Variants in SEC23B observed in about 807,000 individuals in gnomAD.
SEC23B encodes the protein protein transport protein Sec23B.
In SEC23B, 77 loss-of-function variants were observed where a neutral mutation model predicts 104.3. The observed-to-expected ratio is 0.74, with a 90% confidence interval of 0.61 to 0.89. The LOEUF is 0.89. Among genes scored for constraint, SEC23B ranks in the 40% least tolerant of loss-of-function variants. SEC23B has a pLI of 0.00. For synonymous variants in SEC23B, 338 were observed against 332.5 expected, an observed-to-expected ratio of 1.02 and a Z score of -0.18; for missense variants, 885 against 949.4, an observed-to-expected ratio of 0.93 and a Z score of 0.89.
chr20:18,559,607 T>C (rs1267525801), intron 19 of SEC23B, among the ~76,000 whole-genome samples: 5 of 152,174 alleles, frequency 3.3e-5, no homozygotes, highest in African/African-American at 4.8e-5. Flanking sequence ...CAGTGGTTAT[T>C]ATCTAAGATT....
intron 12 of SEC23B, among the ~76,000 whole-genome samples, chr20:18,541,915 C>T (rs2060290763): frequency 6.6e-6 from 1 of 152,126 alleles, no homozygotes; most frequent in Non-Finnish European, 1.5e-5. Flanking sequence ...ATAAATGAGG[C>T]ATGTCTGTGT....
chr20:18,559,389 C>T (rs971000608), intron 19 of SEC23B, among the ~76,000 whole-genome samples: 4 of 152,142 alleles, frequency 2.6e-5, no homozygotes, highest in African/African-American at 7.2e-5. Context: ...CCTCTACTGA[C>T]ACCACAGGGG....
rs763424947 is a variant in SEC23B, at chr20:18,524,627, T to C, written c.561T>C (p.Tyr187=). 2.5e-6 allele frequency: 4 copies of C among 1,614,118 alleles called. No homozygotes were observed. Among genetic ancestry groups the C allele is most frequent in the African/African-American group, 1.3e-5 (1 of 74,940 alleles). The change falls in exon 5 of 20, where the codon TAT becomes TAC. Residue 187 remains tyrosine (Y), a synonymous_variant. Coordinates refer to ENST00000650089, the MANE Select transcript of SEC23B (RefSeq NM_006363.6). ...GCTGTGAAGGAATCTCCAAAAGTTATGTCTTCCGAGGGACCAAGGATTTAA... is the reference window on the plus strand; with the variant it reads ...GCTGTGAAGGAATCTCCAAAAGTTACGTCTTCCGAGGGACCAAGGATTTAA... ...ELSCEGISKS[Y]VFRGTKDLTA...
chr20:18,558,440 T>A (rs1182370743), intron 19 of SEC23B, among the ~76,000 whole-genome samples: 2 of 152,232 alleles, frequency 1.3e-5, no homozygotes, highest in Non-Finnish European at 2.9e-5. Flanking sequence ...TTTTTGCTTC[T>A]GTAGGTTTCT....
At chr20:18,549,713 ACCACTT>A in intron 16 of SEC23B, among the ~76,000 whole-genome samples, 2 of 152,308 alleles carry the variant, frequency 1.3e-5, no homozygotes, top group Middle Eastern at 3.4e-3. Context: ...TTTATCGAGT[ACCACTT>A]ACTTTTATTA....
Position 18,561,389 on chromosome 20 carries a change from A to C in SEC23B, c.*649A>C, listed in dbSNP as rs1004072203. Reference sequence around the variant, plus strand: ...ATGTCTCAATTCTCATTTTCAAAGAATCAATATATTAATATACCTTTGGTC... The same window carrying C: ...ATGTCTCAATTCTCATTTTCAAAGACTCAATATATTAATATACCTTTGGTC... On this transcript the variant is annotated 3_prime_UTR_variant, in exon 20 of 20. Transcript: ENST00000650089. 7 of 152,526 alleles carry C rather than the reference A, an allele frequency of 4.6e-5. No individual in the cohort carries two copies. The highest frequency in any genetic ancestry group is 1.7e-4 in the African/African-American group (7 of 41,450). 9.4% of individuals were successfully genotyped at this position (152,526 alleles called of 1,614,324 possible). A position where few individuals can be genotyped will look rare whatever the true frequency, so the allele number is the denominator to read the frequency against.
At chr20:18,544,052 C>T (rs557912955) in intron 14 of SEC23B, among the ~76,000 whole-genome samples, 26 of 152,262 alleles carry the variant, frequency 1.7e-4, no homozygotes, top group African/African-American at 6.0e-4. Context: ...CTACTGACAA[C>T]GCTTGATATC....
At chr20:18,539,694 G>T (rs1336680029) in intron 12 of SEC23B, among the ~76,000 whole-genome samples, 3 of 145,114 alleles carry the variant, frequency 2.1e-5, no homozygotes, top group Non-Finnish European at 3.0e-5. Flanking sequence ...GCTCAGGCTG[G>T]AGTGCAGTGG....
intron 19 of SEC23B, among the ~76,000 whole-genome samples, chr20:18,557,893 A>G (rs980340455): frequency 6.6e-6 from 1 of 151,778 alleles, no homozygotes; most frequent in Non-Finnish European, 1.5e-5. Flanking sequence ...CTGGGATTAC[A>G]GGCATGCACC....
chr20:18,516,597 G>A (rs1447272181), intron 4 of SEC23B, among the ~76,000 whole-genome samples: 3 of 149,424 alleles, frequency 2.0e-5, no homozygotes, highest in African/African-American at 7.4e-5. Flanking sequence ...TGTTGCCCAG[G>A]CTGGAGTGCA....
At chr20:18,546,757 T>G (rs117658691) in intron 15 of SEC23B, among the ~76,000 whole-genome samples, 1 of 152,192 alleles carries the variant, frequency 6.6e-6, no homozygotes, top group Non-Finnish European at 1.5e-5. Flanking sequence ...TGTGGTGTTG[T>G]GAGAAGAGCC....
At position 18,561,131 on chromosome 20, in the gene SEC23B, TGTGA is replaced by T. The variant is rs2060488514; in HGVS notation, c.*395_*398del. ...CAAATGTGATTTCCTGAGGTCTCTG[TGTGA>T]GTGTGTATGTGTTTTAAGTGACTTC... On this transcript the variant is annotated 3_prime_UTR_variant, in exon 20 of 20. Coordinates refer to ENST00000650089, the MANE Select transcript of SEC23B (RefSeq NM_006363.6). 4 of 302,098 alleles carry T rather than the reference TGTGA, an allele frequency of 1.3e-5. No individual in the cohort carries two copies. In the Admixed American group the frequency reaches 1.9e-4, roughly 15 times the overall value. The allele number at this position is 302,098 out of a possible 1,614,324, so 18.7% of individuals were successfully genotyped here.
intron 17 of SEC23B, among the ~76,000 whole-genome samples, chr20:18,553,113 C>A (rs1438363997): frequency 6.6e-6 from 1 of 152,218 alleles, no homozygotes; most frequent in African/African-American, 2.4e-5. Flanking sequence ...CCTGTTCATT[C>A]ACTTGTTTAT....
At chr20:18,512,037 G>T (rs1280724380) in intron 2 of SEC23B, among the ~76,000 whole-genome samples, 188 bp from the exon 3 acceptor site, 5 of 152,156 alleles carry the variant, frequency 3.3e-5, no homozygotes, top group African/African-American at 9.7e-5. Flanking sequence ...AAATTGTGGT[G>T]TACTTAGCCA....
intron 8 of SEC23B, 87 bp downstream of exon 8, chr20:18,526,618 CAT>C: frequency 7.2e-7 from 1 of 1,381,078 alleles, no homozygotes; most frequent in East Asian, 2.3e-5. Flanking sequence ...TTGCCAAGGT[CAT>C]GTGTCATGGT....
At chr20:18,544,056 T>C (rs142303844) in intron 14 of SEC23B, among the ~76,000 whole-genome samples, 135 of 152,268 alleles carry the variant, frequency 8.9e-4, no homozygotes, top group Non-Finnish European at 1.6e-3. Flanking sequence ...TGACAACGCT[T>C]GATATCGTGC....
chr20:18,560,753 AC>A lies in SEC23B; in HGVS notation c.*15del. ...CAGTGCCTGTTAAGCTGAGGATACA[AC>A]CAGGAAATGCAACGGTGTCAGATTG... On this transcript the variant is annotated 3_prime_UTR_variant, in exon 20 of 20. Transcript: ENST00000650089. The A allele has an allele frequency of 6.3e-7, 1 of 1,595,938 alleles. No individual in the cohort carries two copies. The highest frequency in any genetic ancestry group is 8.6e-7 in the Non-Finnish European group (1 of 1,163,586).
intron 4 of SEC23B, among the ~76,000 whole-genome samples, chr20:18,522,102 AGTTT>A (rs1288474840): frequency 6.6e-6 from 1 of 152,142 alleles, no homozygotes; most frequent in Admixed American, 6.5e-5. Flanking sequence ...GGAGGGCGGA[AGTTT>A]GCACATAGTG....
intron 3 of SEC23B, 121 bp from the exon 4 acceptor site, chr20:18,515,529 T>G: frequency 1.4e-6 from 1 of 693,234 alleles, no homozygotes; most frequent in Non-Finnish European, 2.6e-6. Context: ...CCCAAGCTAG[T>G]CTGGAGCTCC....
Sources: gnomAD v4.1 joint callset for allele counts (sites outside exome capture counted in the v4.1 genomes callset) on GRCh38, gnomAD v4.1.1 for gene constraint, MANE v1.5 for transcripts, NCBI Gene and HGNC (gene_info 2026-07-23, HGNC 2026-07-21) for gene names.